The following DEAF1 variants were observed in gnomAD, a reference collection of about 807,000 sequenced individuals.
The protein encoded by DEAF1 is DEAF1 transcription factor, also known as deformed epidermal autoregulatory factor 1 homolog.
DEAF1 carries 53 observed loss-of-function variants against 58.9 expected under a neutral mutation model. That is an observed-to-expected ratio of 0.90 (90% CI 0.72 to 1.13). The LOEUF is 1.13. Among genes scored for constraint, DEAF1 ranks in the 50% most tolerant of loss-of-function variants. The pLI, the probability that DEAF1 is intolerant of heterozygous loss-of-function variation, is 0.00. For missense variants in DEAF1, 685 were observed against 791.4 expected (o/e 0.87, Z 1.61); for synonymous variants, 385 against 340.4 (o/e 1.13, Z -1.44).
intron 10 of DEAF1, among the ~76,000 whole-genome samples, chr11:670,719 T>C (rs978402749): frequency 1.3e-5 from 2 of 150,358 alleles, no homozygotes; most frequent in African/African-American, 4.9e-5. Flanking sequence ...TCTCAAAATA[T>C]ATATATATCT....
chr11:694,879 C>G lies in DEAF1; in HGVS notation c.169G>C (p.Glu57Gln), dbSNP rs1327692646. 1.3e-6 allele frequency: 2 copies of G among 1,501,826 alleles called. No individual in the cohort carries two copies. The highest frequency in any genetic ancestry group is 1.4e-5 in the African/African-American group (1 of 69,506). The allele number at this position is 1,501,826 out of a possible 1,614,324, so 93.0% of individuals were successfully genotyped here. Residue 57 changes from glutamate (E) to glutamine (Q), a missense_variant, in exon 1 of 12, where the codon GAG becomes CAG. Transcript: ENST00000382409. ...GCCGTGACCCGCGGCGTCTCCCGCT[C>G]CGCCTCCGAGTCTGCGTCCTCCTCC... The part of the protein sequence containing the change: ...DSEEDADSEA[E>Q]RETPRVTAVA...
At chr11:653,009 G>C (rs1366310186) in intron 11 of DEAF1, among the ~76,000 whole-genome samples, 1 of 147,414 alleles carries the variant, frequency 6.8e-6, no homozygotes, top group African/African-American at 2.5e-5. Context: ...GCTTGAACCC[G>C]GGAGGCAGAG....
intron 2 of DEAF1, chr11:689,957 G>C (rs1427423321): frequency 4.6e-5 from 7 of 152,220 alleles, no homozygotes; most frequent in Non-Finnish European, 1.0e-4. Flanking sequence ...CCAGGAAGGA[G>C]CAGCCTGACT....
At chr11:647,925 GTGGGT>G (rs1564920773) in intron 11 of DEAF1, among the ~76,000 whole-genome samples, 5 of 1,308 alleles carry the variant, frequency 3.8e-3, no homozygotes, top group Admixed American at 0.014. Flanking sequence ...CTGGGAGCAG[GTGGGT>G]GGACTTGACC....
chr11:655,570 G>A (rs1398722933), intron 10 of DEAF1, among the ~76,000 whole-genome samples: 1 of 152,210 alleles, frequency 6.6e-6, no homozygotes, highest in East Asian at 1.9e-4. Context: ...GCCAGTGGGT[G>A]AGTGGCAGCG....
chr11:697,923 C>T (rs1483641871), upstream of DEAF1: 2 of 152,228 alleles, frequency 1.3e-5, no homozygotes, highest in Non-Finnish European at 2.9e-5. Context: ...ACAGAAGGCC[C>T]CAGATCTGCC....
chr11:680,022 C>CCAGG, intron 7 of DEAF1: 3 of 635,202 alleles, frequency 4.7e-6, no homozygotes, highest in Non-Finnish European at 8.2e-6. Context: ...GCCAGGATGG[C>CCAGG]AACTTGCCAC....
intron 11 of DEAF1, chr11:646,260 A>G (rs1332527143): frequency 1.3e-5 from 2 of 151,852 alleles, no homozygotes; most frequent in Non-Finnish European, 1.5e-5. Flanking sequence ...CTCAAAAAAA[A>G]AAAAAAAAAA....
intron 10 of DEAF1, among the ~76,000 whole-genome samples, chr11:673,130 T>G (rs932200466): frequency 2.0e-5 from 3 of 151,066 alleles, no homozygotes; most frequent in Admixed American, 6.6e-5. Context: ...GCCTGGGTGA[T>G]GGAGCGAGAC....
At chr11:657,657 CTGTCTGTAA>C (rs1554937254) in intron 10 of DEAF1, among the ~76,000 whole-genome samples, 4 of 152,196 alleles carry the variant, frequency 2.6e-5, no homozygotes, top group Non-Finnish European at 5.9e-5. Flanking sequence ...AAGGTCAGAG[CTGTCTGTAA>C]TGTCACTTGG....
At position 648,059 on chromosome 11, in the gene DEAF1, G is replaced by C. The variant is rs972630387; in HGVS notation, c.1594-3405C>G. ...GTGGACTTGACCCAGGCGGTGCTGG[G>C]AGCAGGTGGGTGGACTTGACCCAGG... On this transcript the variant is annotated intron_variant, in intron 11 of 11. Transcript: ENST00000382409. Among the ~76,000 whole-genome samples, 239 of 148,386 alleles carry C rather than the reference G, an allele frequency of 1.6e-3. 1 individual carries two copies. Among genetic ancestry groups the C allele is most frequent in the Admixed American group, 9.1e-3 (132 of 14,496 alleles).
chr11:649,835 T>C (rs1010410741), intron 11 of DEAF1, among the ~76,000 whole-genome samples: 7 of 146,284 alleles, frequency 4.8e-5, no homozygotes, highest in African/African-American at 7.6e-5. Flanking sequence ...AGACCAGCCT[T>C]GCCAACACGG....
chr11:693,027 T>A (rs1860902456), intron 1 of DEAF1, among the ~76,000 whole-genome samples: 1 of 152,176 alleles, frequency 6.6e-6, no homozygotes, highest in African/African-American at 2.4e-5. Flanking sequence ...CAAAGCCTCC[T>A]CAGGCGGCAG....
chr11:661,515 G>C (rs1859318908), intron 10 of DEAF1, among the ~76,000 whole-genome samples: 1 of 152,038 alleles, frequency 6.6e-6, no homozygotes. Flanking sequence ...TTCAACACCA[G>C]CCTGGCCAAC....
intron 10 of DEAF1, chr11:654,544 G>A (rs1032294048): frequency 1.1e-5 from 5 of 455,170 alleles, no homozygotes; most frequent in African/African-American, 1.0e-4. Context: ...CTCTTTCCTG[G>A]CCTCAGTGCA....
chr11:686,654 G>A (rs745971172), intron 5 of DEAF1, among the ~76,000 whole-genome samples: 6 of 152,164 alleles, frequency 3.9e-5, no homozygotes, highest in Non-Finnish European at 8.8e-5. Flanking sequence ...ACAGGGTCAC[G>A]ATCATCGTCA....
intron 11 of DEAF1, among the ~76,000 whole-genome samples, chr11:650,616 A>G (rs1448617139): frequency 6.6e-6 from 1 of 151,380 alleles, no homozygotes; most frequent in Non-Finnish European, 1.5e-5. Flanking sequence ...AAGTGTTGGG[A>G]TGACTGGTGT....
At chr11:654,115 G>T (rs1240750722) in intron 10 of DEAF1, 64 bp from the exon 11 acceptor site, 21 of 1,411,876 alleles carry the variant, frequency 1.5e-5, no homozygotes, top group Admixed American at 3.6e-5. Flanking sequence ...AGACACCGGG[G>T]ACAGAGGCAG....
intron 1 of DEAF1, chr11:694,540 A>C: frequency 3.4e-6 from 1 of 297,254 alleles, no homozygotes. Flanking sequence ...GGGGTGAGCT[A>C]GTCACGTGGG....
Sources: gnomAD v4.1 joint callset for allele counts (sites outside exome capture counted in the v4.1 genomes callset) on GRCh38, gnomAD v4.1.1 for gene constraint, MANE v1.5 for transcripts, NCBI Gene and HGNC (gene_info 2026-07-23, HGNC 2026-07-21) for gene names.